Variants in SNX14 observed in about 807,000 individuals in gnomAD.
SNX14 encodes the protein sorting nexin-14.
SNX14 carries 93 observed loss-of-function variants against 133.8 expected under a neutral mutation model. The observed-to-expected ratio is 0.70, with a 90% CI of 0.59 to 0.83. The LOEUF (loss-of-function observed/expected upper bound fraction) is 0.83, where lower values mean the gene tolerates loss of function less well. SNX14 is among the 40% of genes least tolerant of loss of function. SNX14 has a pLI of 0.00. For missense variants in SNX14, 945 were observed against 1,094.9 expected (o/e 0.86, Z 1.93); for synonymous variants, 368 against 365.6 (o/e 1.01, Z -0.07).
At chr6:85,519,023 A>G (rs6910543) in intron 21 of SNX14, among the ~76,000 whole-genome samples, 16,901 of 152,212 alleles carry the variant, frequency 0.11, 1,367 homozygotes, top group African/African-American at 0.23. Flanking sequence ...CTCTTAATGT[A>G]TCCCCTATTC....
At chr6:85,539,467 TTAAG>T (rs1203600843) in intron 15 of SNX14, among the ~76,000 whole-genome samples, 1 of 152,174 alleles carries the variant, frequency 6.6e-6, no homozygotes, top group African/African-American at 2.4e-5. Flanking sequence ...AAGTTGTACT[TTAAG>T]TATACAATGA....
chr6:85,556,920 T>G (rs1789986178), intron 7 of SNX14, among the ~76,000 whole-genome samples: 1 of 152,312 alleles, frequency 6.6e-6, no homozygotes, highest in South Asian at 2.1e-4. Context: ...AATCTACCTA[T>G]AGCATAATTT....
At chr6:85,587,957 G>T (rs2128239524) in intron 1 of SNX14, among the ~76,000 whole-genome samples, 1 of 152,212 alleles carries the variant, frequency 6.6e-6, no homozygotes, top group South Asian at 2.1e-4. Flanking sequence ...GCTTCAGCAG[G>T]GGAGGAGCGG....
intron 9 of SNX14, among the ~76,000 whole-genome samples, 159 bp downstream of exon 9, chr6:85,548,142 T>G (rs1329667288): frequency 1.3e-5 from 2 of 152,192 alleles, no homozygotes; most frequent in African/African-American, 4.8e-5. Flanking sequence ...GAGTTTCAAT[T>G]TCATAAGATG....
intron 17 of SNX14, among the ~76,000 whole-genome samples, chr6:85,535,245 G>A (rs1402620240): frequency 6.6e-6 from 1 of 151,314 alleles, no homozygotes; most frequent in Non-Finnish European, 1.5e-5. Context: ...GAACTCCTTG[G>A]CTCAAGCAAT....
At chr6:85,564,785 C>G (rs913918502) in intron 6 of SNX14, among the ~76,000 whole-genome samples, 1 of 151,828 alleles carries the variant, frequency 6.6e-6, no homozygotes, top group East Asian at 1.9e-4. Context: ...GTCAGGAGAT[C>G]GAGACCATCC....
chr6:85,556,919 A>G (rs918795867), intron 7 of SNX14, among the ~76,000 whole-genome samples: 1 of 152,306 alleles, frequency 6.6e-6, no homozygotes, highest in South Asian at 2.1e-4. Flanking sequence ...AAATCTACCT[A>G]TAGCATAATT....
At chr6:85,541,781 T>A (rs1783842309) in intron 15 of SNX14, among the ~76,000 whole-genome samples, 1 of 152,236 alleles carries the variant, frequency 6.6e-6, no homozygotes, top group South Asian at 2.1e-4. Flanking sequence ...ACATTATGTA[T>A]CTTGTTAAAA....
intron 16 of SNX14, 24 bp from the exon 17 acceptor site, chr6:85,536,948 C>G: frequency 6.2e-7 from 1 of 1,602,684 alleles, no homozygotes; most frequent in South Asian, 1.1e-5. Flanking sequence ...AAAAATGTAT[C>G]AAGTACATAG....
chr6:85,536,992 C>T, intron 16 of SNX14, 68 bp from the exon 17 acceptor site: 1 of 1,355,426 alleles, frequency 7.4e-7, no homozygotes, highest in Non-Finnish European at 9.5e-7. Flanking sequence ...TATTGAAAAC[C>T]ATTATTAAAA....
chr6:85,562,893 G>T (rs755384709), intron 6 of SNX14, among the ~76,000 whole-genome samples: 21 of 151,972 alleles, frequency 1.4e-4, no homozygotes, highest in Non-Finnish European at 2.4e-4. Flanking sequence ...CTGGAGTATA[G>T]ATTTTTTTAA....
chr6:85,523,107 T>A (rs1777416853), intron 21 of SNX14, among the ~76,000 whole-genome samples: 1 of 152,150 alleles, frequency 6.6e-6, no homozygotes, highest in South Asian at 2.1e-4. Context: ...ATATAGGGGA[T>A]TCAATTTTGC....
chr6:85,583,746 G>C (rs1480003838), intron 1 of SNX14, among the ~76,000 whole-genome samples: 1 of 152,148 alleles, frequency 6.6e-6, no homozygotes, highest in Admixed American at 6.5e-5. Flanking sequence ...GGAAATACGA[G>C]AGGACACAAA....
At chr6:85,541,679 A>T (rs1426597964) in intron 15 of SNX14, among the ~76,000 whole-genome samples, 1 of 152,224 alleles carries the variant, frequency 6.6e-6, no homozygotes, top group East Asian at 1.9e-4. Flanking sequence ...ATTCTGAGTT[A>T]TCTGTGGATG....
At chr6:85,566,149 C>T (rs1793751760) in intron 5 of SNX14, among the ~76,000 whole-genome samples, 1 of 152,148 alleles carries the variant, frequency 6.6e-6, no homozygotes, top group Non-Finnish European at 1.5e-5. Context: ...TATACTTTCA[C>T]ACTTAGAAAT....
At chr6:85,569,038 T>G (rs1794785769) in intron 4 of SNX14, among the ~76,000 whole-genome samples, 1 of 151,872 alleles carries the variant, frequency 6.6e-6, no homozygotes, top group South Asian at 2.1e-4. Flanking sequence ...CAATCTTGGC[T>G]CACCTCAACC....
intron 8 of SNX14, 26 bp downstream of exon 8, chr6:85,549,697 T>C (rs749219812): frequency 2.5e-6 from 4 of 1,591,952 alleles, no homozygotes; most frequent in East Asian, 4.5e-5. Context: ...ATGCAAATAC[T>C]ATTATATTGT....
intron 21 of SNX14, among the ~76,000 whole-genome samples, 166 bp from the exon 22 acceptor site, chr6:85,518,214 G>A (rs1775707126): frequency 6.6e-6 from 1 of 152,010 alleles, no homozygotes; most frequent in African/African-American, 2.4e-5. Flanking sequence ...AATAAATATG[G>A]TATTCTGAAA....
intron 17 of SNX14, among the ~76,000 whole-genome samples, chr6:85,535,140 C>T (rs1027876545): frequency 6.6e-6 from 1 of 151,284 alleles, no homozygotes; most frequent in Non-Finnish European, 1.5e-5. Flanking sequence ...CTAATCCTCC[C>T]AAGTAGCTAC....
Sources: allele counts gnomAD v4.1 joint callset (sites outside exome capture counted in the v4.1 genomes callset), GRCh38; gene constraint gnomAD v4.1.1; transcripts MANE v1.5; gene names NCBI Gene and HGNC (gene_info 2026-07-23, HGNC 2026-07-21).